The following PHF21B variants were observed in gnomAD, a reference collection of about 807,000 sequenced individuals.
The protein encoded by PHF21B is PHD finger protein 4.
PHF21B carries 22 observed loss-of-function variants against 62.2 expected under a neutral mutation model. The ratio of observed to expected loss-of-function variants is 0.35; its 90% confidence interval spans 0.25 to 0.51. PHF21B has a LOEUF of 0.51. Among genes scored for constraint, PHF21B ranks in the 20% least tolerant of loss-of-function variants. The probability of loss-of-function intolerance (pLI) is 0.97; values close to 1 mark genes in which losing one functional copy is unlikely to be tolerated. For missense variants in PHF21B, 701 were observed against 707.9 expected, an observed-to-expected ratio of 0.99 and a Z score of 0.11; for synonymous variants, 341 against 314.7, an observed-to-expected ratio of 1.08 and a Z score of -0.88.
rs140786316 is a variant in PHF21B, at chr22:44,886,229, C to A, written c.1198-291G>T. 6.6e-5 allele frequency among the ~76,000 whole-genome samples: 10 copies of A among 152,150 alleles called. No individual in the cohort carries two copies. In the South Asian group the frequency reaches 2.1e-3, roughly 32 times the overall value. On this transcript the variant is annotated intron_variant, in intron 10 of 12. Transcript: ENST00000313237. ...CGAATGATCACCTGTCTTCCTCCCA[C>A]GTCCAGAAGACCTGAGGGCAGCGAC... is the stretch of plus-strand genomic sequence containing the variant.
chr22:44,889,240 G>A lies in PHF21B; in HGVS notation c.1038+520C>T, dbSNP rs567963247. 1.2e-4 allele frequency among the ~76,000 whole-genome samples: 17 copies of A among 139,832 alleles called. No individual in the cohort carries two copies. The South Asian group carries it at 3.9e-3, about 32-fold the overall frequency. 91.7% of individuals were successfully genotyped at this position (139,832 alleles called of 152,430 possible). A position where few individuals can be genotyped will look rare whatever the true frequency, so the allele number is the denominator to read the frequency against. ...ATGAACGAGGTCATGACCAGCCAAT[G>A]TTCTGGGAATCAGGGATGTGGTGTG... On this transcript the variant is annotated intron_variant, in intron 9 of 12. Transcript: ENST00000313237.
intron 10 of PHF21B, among the ~76,000 whole-genome samples, chr22:44,887,027 A>G (rs1209513708): frequency 5.9e-5 from 9 of 151,954 alleles, no homozygotes; most frequent in African/African-American, 2.4e-5. Flanking sequence ...GTGGTGGCGC[A>G]TGCCTGTAAT....
At chr22:44,951,647 C>T (rs1164835607) in intron 2 of PHF21B, among the ~76,000 whole-genome samples, 1 of 152,220 alleles carries the variant, frequency 6.6e-6, no homozygotes, top group Non-Finnish European at 1.5e-5. Context: ...ATAGTATTCC[C>T]CTCTGTGAAT....
At chr22:44,981,666 C>A (rs965259287) in intron 2 of PHF21B, among the ~76,000 whole-genome samples, 1 of 152,178 alleles carries the variant, frequency 6.6e-6, no homozygotes, top group African/African-American at 2.4e-5. Context: ...AAGCCCTTCA[C>A]CTGTGCTCTC....
At chr22:44,895,066 G>A (rs1489659200) in intron 6 of PHF21B, among the ~76,000 whole-genome samples, 2 of 152,218 alleles carry the variant, frequency 1.3e-5, no homozygotes, top group Admixed American at 6.5e-5. Flanking sequence ...GAACCTTCCC[G>A]CATCCAGGTT....
chr22:44,981,849 T>A (rs937709813), intron 2 of PHF21B, among the ~76,000 whole-genome samples: 1 of 152,180 alleles, frequency 6.6e-6, no homozygotes, highest in African/African-American at 2.4e-5. Context: ...AGGTTGACCA[T>A]GAAAAGAAGG....
intron 2 of PHF21B, among the ~76,000 whole-genome samples, chr22:44,928,001 C>T (rs181980027): frequency 6.6e-5 from 10 of 152,252 alleles, no homozygotes; most frequent in South Asian, 4.1e-4. Context: ...AGCTCAGACA[C>T]GGGGAGACAG....
intron 4 of PHF21B, among the ~76,000 whole-genome samples, chr22:44,914,426 T>C (rs1310166702): frequency 6.6e-6 from 1 of 152,182 alleles, no homozygotes; most frequent in Non-Finnish European, 1.5e-5. Context: ...TCAGTGAAAC[T>C]GGCCACACCT....
intron 2 of PHF21B, among the ~76,000 whole-genome samples, chr22:44,985,676 A>G (rs558647325): frequency 6.6e-6 from 1 of 152,326 alleles, no homozygotes; most frequent in South Asian, 2.1e-4. Context: ...AATATGGGAG[A>G]TAATATTTCC....
chr22:44,936,058 G>C (rs955871279), intron 2 of PHF21B, among the ~76,000 whole-genome samples: 2 of 152,238 alleles, frequency 1.3e-5, no homozygotes, highest in Admixed American at 1.3e-4. Flanking sequence ...TTTAGATTTT[G>C]ACTTAAATGT....
rs2070769083 is a variant in PHF21B, at chr22:44,883,229, G to C, written c.1453C>G (p.Leu485Val). 1.9e-6 allele frequency: 3 copies of C among 1,613,940 alleles called. No homozygotes were observed. Among genetic ancestry groups the C allele is most frequent in the Non-Finnish European group, 1.7e-6 (2 of 1,179,986 alleles). Residue 485 changes from leucine (L) to valine (V), a missense_variant, in exon 13 of 13, where the codon CTC becomes GTC. Leu to Val is a conservative substitution (Grantham distance 32). Coordinates refer to ENST00000313237, the MANE Select transcript of PHF21B (RefSeq NM_138415.5). ...TGCTCGCCCTGTATCAGTCTCAGGA[G>C]GGCCCGCAGGCGGTCCAGGGATGAC... ...TQSSLDRLRALLRLIQGEQLL... is the reference protein window; with the variant it reads ...TQSSLDRLRAVLRLIQGEQLL...
chr22:45,008,649 C>T (rs1413972570), intron 1 of PHF21B, 39 bp from the exon 2 acceptor site: 2 of 1,471,374 alleles, frequency 1.4e-6, no homozygotes, highest in Non-Finnish European at 1.8e-6. Context: ...GCAGGCCACC[C>T]GGGGTCAGGT....
At chr22:44,914,616 A>G (rs2071402940) in intron 4 of PHF21B, among the ~76,000 whole-genome samples, 1 of 152,184 alleles carries the variant, frequency 6.6e-6, no homozygotes, top group Non-Finnish European at 1.5e-5. Flanking sequence ...CCCACACCAC[A>G]GTGCCTGAGA....
intron 7 of PHF21B, among the ~76,000 whole-genome samples, chr22:44,893,030 C>T (rs892842032): frequency 1.3e-5 from 2 of 151,710 alleles, no homozygotes; most frequent in African/African-American, 2.4e-5. Flanking sequence ...TTACGGTGCC[C>T]GCCTGCTCCA....
intron 10 of PHF21B, among the ~76,000 whole-genome samples, chr22:44,886,688 C>CA (rs1171261781): frequency 0.061 from 8,544 of 140,308 alleles, 266 homozygotes; most frequent in South Asian, 0.11. Flanking sequence ...CCCTGTCTAC[C>CA]AAAAAAAAAA....
chr22:44,883,197 G>T lies in PHF21B; in HGVS notation c.1485C>A (p.Leu495=). 6.2e-7 allele frequency: 1 copy of T among 1,613,680 alleles called. No homozygotes were observed. The highest frequency in any genetic ancestry group is 8.5e-7 in the Non-Finnish European group (1 of 1,179,980). Residue 495 remains leucine (L), a synonymous_variant, in exon 13 of 13, where the codon CTC becomes CTA. Coordinates refer to ENST00000313237, the MANE Select transcript of PHF21B (RefSeq NM_138415.5). The stretch of plus-strand genomic sequence containing the variant: ...GGCTAGTGGTCGTCATGGTGACCTG[G>T]AGCAGCTGCTCGCCCTGTATCAGTC... ...LLRLIQGEQL[L]QVTMTTTSPA... is the part of the protein sequence containing the mutation.
chr22:44,900,046 C>T (rs1267779397), intron 5 of PHF21B, among the ~76,000 whole-genome samples: 1 of 152,130 alleles, frequency 6.6e-6, no homozygotes, highest in Non-Finnish European at 1.5e-5. Flanking sequence ...TTTAAAGTCC[C>T]AACTGCTACA....
chr22:44,924,130 GAAC>G (rs1340972891), intron 2 of PHF21B, among the ~76,000 whole-genome samples: 1 of 149,222 alleles, frequency 6.7e-6, no homozygotes, highest in Non-Finnish European at 1.5e-5. Context: ...GGAGGAAGGA[GAAC>G]AACAACAAAA....
chr22:44,988,314 T>C (rs2072988060), intron 2 of PHF21B, among the ~76,000 whole-genome samples: 1 of 152,022 alleles, frequency 6.6e-6, no homozygotes, highest in Non-Finnish European at 1.5e-5. Context: ...AAAAAATAAT[T>C]AGACGAGTGT....
Sources: allele counts gnomAD v4.1 joint callset (sites outside exome capture counted in the v4.1 genomes callset), GRCh38; gene constraint gnomAD v4.1.1; transcripts MANE v1.5; gene names NCBI Gene and HGNC (gene_info 2026-07-23, HGNC 2026-07-21).